The following SLC2A13 variants were observed in gnomAD, a reference collection of about 807,000 sequenced individuals.
SLC2A13 encodes solute carrier family 2 member 13, also known as proton myo-inositol cotransporter.
In SLC2A13, 32 loss-of-function variants were observed where a neutral mutation model predicts 64.4. The ratio of observed to expected loss-of-function variants is 0.50; its 90% CI spans 0.37 to 0.67. The LOEUF (loss-of-function observed/expected upper bound fraction) is 0.67. Among genes scored for constraint, SLC2A13 ranks in the 30% least tolerant of loss-of-function variants. SLC2A13 has a pLI of 0.00. For missense variants in SLC2A13, 743 were observed against 829.2 expected (o/e 0.90, Z 1.28); for synonymous variants, 338 against 327.1 (o/e 1.03, Z -0.36).
intron 3 of SLC2A13, among the ~76,000 whole-genome samples, chr12:39,982,389 C>T (rs2136151022): frequency 7.0e-6 from 1 of 141,918 alleles, no homozygotes; most frequent in South Asian, 2.4e-4. Context: ...GTCAAATTGT[C>T]CCTGTTTGCA....
intron 4 of SLC2A13, among the ~76,000 whole-genome samples, chr12:39,894,151 C>CA (rs373163981): frequency 1.3e-5 from 2 of 152,112 alleles, no homozygotes; most frequent in South Asian, 4.1e-4. Flanking sequence ...TAGGGCTTTG[C>CA]AAAAAGTAAC....
chr12:39,970,753 T>G (rs879336834), intron 3 of SLC2A13, among the ~76,000 whole-genome samples: 1 of 152,244 alleles, frequency 6.6e-6, no homozygotes, highest in Admixed American at 6.5e-5. Flanking sequence ...AGGGTCCTGA[T>G]GCTTCAAGAA....
intron 4 of SLC2A13, among the ~76,000 whole-genome samples, chr12:39,876,996 C>T (rs1001032966): frequency 6.6e-6 from 1 of 152,024 alleles, no homozygotes; most frequent in African/African-American, 2.4e-5. Flanking sequence ...GTTCCTAGTG[C>T]TATAAATATA....
chr12:39,989,112 A>G (rs1947087125), intron 3 of SLC2A13, among the ~76,000 whole-genome samples: 1 of 151,996 alleles, frequency 6.6e-6, no homozygotes, highest in African/African-American at 2.4e-5. Flanking sequence ...TTCCCTTCTC[A>G]TTCTTGAATA....
intron 3 of SLC2A13, among the ~76,000 whole-genome samples, chr12:39,977,561 C>T (rs975131672): frequency 8.5e-5 from 13 of 152,172 alleles, no homozygotes; most frequent in African/African-American, 2.7e-4. Flanking sequence ...TTTATAAATA[C>T]GTTTCCTTCA....
At chr12:39,799,450 G>A (rs1053950912) in intron 7 of SLC2A13, among the ~76,000 whole-genome samples, 1 of 63,488 alleles carries the variant, frequency 1.6e-5, no homozygotes, top group African/African-American at 3.9e-5. Context: ...TCCTCTACAC[G>A]GCGCACTTTT....
intron 3 of SLC2A13, among the ~76,000 whole-genome samples, chr12:40,019,558 G>T (rs1343338653): frequency 6.6e-6 from 1 of 152,118 alleles, no homozygotes; most frequent in Non-Finnish European, 1.5e-5. Flanking sequence ...TCTGTTTTAG[G>T]ATTGTTTTAA....
intron 2 of SLC2A13, among the ~76,000 whole-genome samples, chr12:40,031,502 C>T (rs1295458811): frequency 1.3e-5 from 2 of 152,092 alleles, no homozygotes; most frequent in Admixed American, 6.5e-5. Flanking sequence ...ATTACAGGCA[C>T]GCGCCACTGC....
chr12:39,969,725 A>G (rs1231588648), intron 3 of SLC2A13, among the ~76,000 whole-genome samples: 2 of 152,268 alleles, frequency 1.3e-5, no homozygotes, highest in Non-Finnish European at 2.9e-5. Flanking sequence ...AATAGATTGC[A>G]AAAATTTTCT....
intron 1 of SLC2A13, among the ~76,000 whole-genome samples, chr12:40,091,887 A>G (rs1317288057): frequency 3.3e-5 from 5 of 152,240 alleles, no homozygotes; most frequent in African/African-American, 1.2e-4. Context: ...TGTGCTAATA[A>G]GCAGCAGGAA....
intron 6 of SLC2A13, among the ~76,000 whole-genome samples, chr12:39,846,315 G>A (rs1943312711): frequency 1.3e-5 from 2 of 152,118 alleles, no homozygotes; most frequent in Non-Finnish European, 2.9e-5. Flanking sequence ...TTGGACAATA[G>A]GAGCATCACA....
At chr12:39,978,334 T>TA (rs1370862704) in intron 3 of SLC2A13, among the ~76,000 whole-genome samples, 3 of 152,150 alleles carry the variant, frequency 2.0e-5, no homozygotes, top group African/African-American at 7.2e-5. Context: ...GATGGCCGAA[T>TA]AGGAACAGCT....
intron 7 of SLC2A13, among the ~76,000 whole-genome samples, chr12:39,766,436 C>T (rs1366185100): frequency 6.6e-6 from 1 of 152,016 alleles, no homozygotes; most frequent in African/African-American, 2.4e-5. Flanking sequence ...TCATCTGCAC[C>T]TTTCACAAGT....
At chr12:39,931,944 C>A (rs1476268916) in intron 4 of SLC2A13, among the ~76,000 whole-genome samples, 1 of 151,924 alleles carries the variant, frequency 6.6e-6, no homozygotes, top group Non-Finnish European at 1.5e-5. Context: ...TTTATTGAGG[C>A]CCATTCAAGA....
chr12:39,835,980 C>A (rs1052118437), intron 6 of SLC2A13, among the ~76,000 whole-genome samples: 5 of 151,994 alleles, frequency 3.3e-5, no homozygotes, highest in Non-Finnish European at 7.4e-5. Context: ...GATTAACACC[C>A]AAAATGGAAT....
At chr12:40,083,256 T>C (rs1315939199) in intron 1 of SLC2A13, among the ~76,000 whole-genome samples, 1 of 152,134 alleles carries the variant, frequency 6.6e-6, no homozygotes, top group Non-Finnish European at 1.5e-5. Context: ...AGATCCCCTT[T>C]TTCAGCTCTC....
chr12:40,048,654 T>C lies in SLC2A13; in HGVS notation c.557-444A>G, dbSNP rs551436333. On this transcript the variant is annotated intron_variant, in intron 1 of 9. Coordinates refer to ENST00000280871, the MANE Select transcript of SLC2A13 (RefSeq NM_052885.4). Reference sequence around the variant, plus strand: ...ATTCAAAGACATAGTTAGATGCCAGTAGATTTACTAAACTTTTAATTGGTT... The same window carrying C: ...ATTCAAAGACATAGTTAGATGCCAGCAGATTTACTAAACTTTTAATTGGTT... Among the ~76,000 whole-genome samples, 8 of 152,298 alleles carry C rather than the reference T, an allele frequency of 5.3e-5. No individual in the cohort carries two copies. In the South Asian group the frequency reaches 1.0e-3, roughly 20 times the overall value.
chr12:39,954,195 A>C (rs1414758160), intron 3 of SLC2A13, among the ~76,000 whole-genome samples: 1 of 152,212 alleles, frequency 6.6e-6, no homozygotes, highest in Non-Finnish European at 1.5e-5. Context: ...AACTGTCCCC[A>C]GCTCAATATC....
intron 6 of SLC2A13, among the ~76,000 whole-genome samples, chr12:39,834,666 C>T (rs763456760): frequency 1.3e-5 from 2 of 151,970 alleles, no homozygotes; most frequent in African/African-American, 2.4e-5. Flanking sequence ...GAGTGGGGCT[C>T]GGTGTGGGAA....
Sources: gnomAD v4.1 joint callset for allele counts (sites outside exome capture counted in the v4.1 genomes callset) on GRCh38, gnomAD v4.1.1 for gene constraint, MANE v1.5 for transcripts, NCBI Gene and HGNC (gene_info 2026-07-23, HGNC 2026-07-21) for gene names.